Variants in ABCA8 observed in about 807,000 individuals in gnomAD.
ABCA8 encodes ATP binding cassette subfamily A member 8, also known as ABC-type organic anion transporter ABCA8.
A neutral mutation model predicts 192.3 loss-of-function variants in ABCA8; 177 were observed. The ratio of observed to expected loss-of-function variants is 0.92; its 90% CI spans 0.81 to 1.04. ABCA8 has a LOEUF of 1.04. ABCA8 is among the 50% of genes least tolerant of loss of function. The pLI, the probability that ABCA8 is intolerant of heterozygous loss-of-function variation, is 0.00. For missense variants in ABCA8, 1,915 were observed against 1,904.8 expected (o/e 1.01, Z -0.10); for synonymous variants, 642 against 690.2 (o/e 0.93, Z 1.09).
intron 11 of ABCA8, 24 bp from the exon 12 acceptor site, chr17:68,922,324 A>C (rs1432720567): frequency 7.5e-7 from 1 of 1,325,716 alleles, no homozygotes. Flanking sequence ...AAGATACTTC[A>C]AAGTGACAAT....
chr17:68,906,208 GTGAAC>G, intron 18 of ABCA8, 45 bp from the exon 19 acceptor site: 2 of 1,396,106 alleles, frequency 1.4e-6, no homozygotes, highest in Non-Finnish European at 1.9e-6. Context: ...AGAATCACAA[GTGAAC>G]TGAAGACAAT....
chr17:68,924,741 CAA>C lies in ABCA8; in HGVS notation c.1400_1401del (p.Phe467Ter), dbSNP rs760695763. On this transcript the variant is annotated frameshift_variant, in exon 11 of 40. Coordinates refer to ENST00000586539, the MANE Select transcript of ABCA8 (RefSeq NM_001288985.2). LOFTEE classifies it high-confidence loss of function. ...CCTTGGAATTCTGGAGGCGCTTGTT[CAA>C]AAGAGTCATGAAATGAAGGATCGGC... is the stretch of plus-strand genomic sequence containing the variant. The part of the protein sequence containing the change: ...MDADPSFHDS[F>X]EQAPPEFQGK... The C allele has an allele frequency of 6.2e-7, 1 of 1,613,990 alleles. No individual in the cohort carries two copies. Among genetic ancestry groups the C allele is most frequent in the East Asian group, 2.2e-5 (1 of 44,856 alleles).
chr17:68,934,138 A>T (rs968343955), intron 5 of ABCA8, among the ~76,000 whole-genome samples: 1 of 152,146 alleles, frequency 6.6e-6, no homozygotes, highest in Non-Finnish European at 1.5e-5. Flanking sequence ...AACTATGTTC[A>T]TTTGTTCCAT....
chr17:68,944,350 A>G (rs1278134062), intron 2 of ABCA8, among the ~76,000 whole-genome samples: 1 of 99,846 alleles, frequency 1.0e-5, no homozygotes, highest in African/African-American at 3.5e-5. Flanking sequence ...ATATATATAT[A>G]TATATATATA....
At chr17:68,917,764 G>C (rs1433474332) in intron 16 of ABCA8, among the ~76,000 whole-genome samples, 1 of 152,144 alleles carries the variant, frequency 6.6e-6, no homozygotes, top group Non-Finnish European at 1.5e-5. Flanking sequence ...CCTCAATTCT[G>C]AGTAAAAGGA....
rs1280185199 is a variant in ABCA8, at chr17:68,923,316, C to T, written c.1443-1016G>A. On this transcript the variant is annotated intron_variant, in intron 11 of 39. Transcript: ENST00000586539. ...CTGAGTCCAAGCGATTCTTGTGCCT[C>T]AGTCACCCAAGTAGCTGGGATTACT... 4.0e-5 allele frequency among the ~76,000 whole-genome samples: 6 copies of T among 151,814 alleles called. No homozygotes were observed. In the East Asian group the frequency reaches 1.2e-3, roughly 29 times the overall value.
rs139774519 is a variant in ABCA8 at position 68,887,475 on chromosome 17, C to T, written c.3176G>A (p.Gly1059Glu). The T allele has an allele frequency of 8.7e-6, 14 of 1,612,090 alleles. No homozygotes were observed. Among genetic ancestry groups the T allele is most frequent in the Non-Finnish European group, 1.2e-5 (14 of 1,179,306 alleles). ...AAACCAGTAAGCAGAAGGGGAGAGTCCGGAAATCCGTAGCTGGGACCGAGC... is the reference window on the plus strand; with the variant it reads ...AAACCAGTAAGCAGAAGGGGAGAGTTCGGAAATCCGTAGCTGGGACCGAGC... ...NRARSQLRIS[G>E]LSPSAYWFGQ... Residue 1059 changes from glycine (G) to glutamate (E), a missense_variant, in exon 25 of 40, where the codon GGA becomes GAA. Physicochemically the swap from Gly to Glu is moderately conservative, Grantham distance 98. Coordinates refer to ENST00000586539, the MANE Select transcript of ABCA8 (RefSeq NM_001288985.2).
chr17:68,941,923 G>A lies in ABCA8; in HGVS notation c.96+16C>T, dbSNP rs779539865. The A allele has an allele frequency of 3.6e-5, 55 of 1,536,958 alleles. No homozygotes were observed. The highest frequency in any genetic ancestry group is 3.3e-4 in the South Asian group (29 of 87,862). ...TCCTATCATAAATAGAGAATAACAC[G>A]GATATTGAGTCATACCATTAAGGAC... On this transcript the variant is annotated intron_variant, in intron 3 of 39. Coordinates refer to ENST00000586539, the MANE Select transcript of ABCA8 (RefSeq NM_001288985.2).
chr17:68,919,175 A>G (rs1029145837), intron 14 of ABCA8, 126 bp downstream of exon 14: 93 of 880,052 alleles, frequency 1.1e-4, no homozygotes, highest in Non-Finnish European at 1.5e-4. Flanking sequence ...TATTGTTTAA[A>G]TTGGATTTTC....
In ABCA8 at chr17:68,944,359, T is replaced by TATATATATATATACAC. The variant is rs765731645; in HGVS notation, c.-5-2321_-5-2320insGTGTATATATATATAT. Among the ~76,000 whole-genome samples, 70 of 69,400 alleles carry TATATATATATATACAC rather than the reference T, an allele frequency of 1.0e-3. 1 individual carries two copies. Among genetic ancestry groups the TATATATATATATACAC allele is most frequent in the Non-Finnish European group, 1.3e-3 (44 of 34,270 alleles). The allele number at this position is 69,400 out of a possible 152,430, so 45.5% of individuals were successfully genotyped here. ...ATATATATATATATATATATATATATACACATATACATACATATGCAAACA... is the reference window on the plus strand; with the variant it reads ...ATATATATATATATATATATATATATATATATATATATACACACACATATACATACATATGCAAACA... On this transcript the variant is annotated intron_variant, in intron 2 of 39. Coordinates refer to ENST00000586539, the MANE Select transcript of ABCA8 (RefSeq NM_001288985.2).
intron 1 of ABCA8, among the ~76,000 whole-genome samples, chr17:68,951,468 C>T (rs1434888904): frequency 1.3e-5 from 2 of 152,128 alleles, no homozygotes; most frequent in South Asian, 2.1e-4. Flanking sequence ...GTGTTTTGTA[C>T]GTATCTATTC....
intron 2 of ABCA8, among the ~76,000 whole-genome samples, chr17:68,946,538 T>G (rs1017489608): frequency 3.3e-5 from 5 of 152,330 alleles, no homozygotes; most frequent in Middle Eastern, 3.4e-3. Flanking sequence ...TTTTCCCTTC[T>G]GATAGGTAGA....
At chr17:68,885,454 G>T in intron 26 of ABCA8, 139 bp from the exon 27 acceptor site, 1 of 771,928 alleles carries the variant, frequency 1.3e-6, no homozygotes, top group Non-Finnish European at 2.0e-6. Context: ...TCCATTAACA[G>T]TTTATTTTAG....
rs180817357 is a variant in ABCA8, at chr17:68,933,079, A to G, written c.570+89T>C. On this transcript the variant is annotated intron_variant, in intron 6 of 39. Transcript: ENST00000586539. ...AGCAAAGGAAATAACAAGGCTATCC[A>G]CTTATATTTTCTTCCATGAAACTTT... 9.1e-6 allele frequency: 8 copies of G among 882,570 alleles called. No individual in the cohort carries two copies. In the African/African-American group the frequency reaches 1.2e-4, roughly 13 times the overall value. 54.7% of individuals were successfully genotyped at this position (882,570 alleles called of 1,614,324 possible). A position where few individuals can be genotyped will look rare whatever the true frequency, so the allele number is the denominator to read the frequency against.
intron 37 of ABCA8, among the ~76,000 whole-genome samples, chr17:68,870,338 G>T (rs766946166): frequency 6.6e-6 from 1 of 152,090 alleles, no homozygotes; most frequent in Non-Finnish European, 1.5e-5. Context: ...AATCCCAACC[G>T]GCCCCATCTT....
At chr17:68,887,616 C>T (rs1223198163) in intron 24 of ABCA8, 110 bp from the exon 25 acceptor site, 1 of 930,432 alleles carries the variant, frequency 1.1e-6, no homozygotes, top group African/African-American at 1.7e-5. Flanking sequence ...ATTATGTCTA[C>T]AAATGTAATC....
At chr17:68,939,277 T>TGTACAAC in intron 4 of ABCA8, among the ~76,000 whole-genome samples, 1 of 152,262 alleles carries the variant, frequency 6.6e-6, no homozygotes, top group African/African-American at 2.4e-5. Flanking sequence ...CATATGTTGT[T>TGTACAAC]TTTATCTGTT....
At position 68,932,446 on chromosome 17, in the gene ABCA8, G is replaced by GGA; in HGVS notation, c.637_638dup (p.Phe214ProfsTer9). The GGA allele has an allele frequency of 6.2e-7, 1 of 1,614,034 alleles. No individual in the cohort carries two copies. Among genetic ancestry groups the GGA allele is most frequent in the Non-Finnish European group, 8.5e-7 (1 of 1,179,918 alleles). ...TTATAACTCCTGATTGACCAATGAA[G>GGA]GAATGCATCTTCATATTTTTTCCAG... On this transcript the variant is annotated frameshift_variant, in exon 7 of 40. Coordinates refer to ENST00000586539, the MANE Select transcript of ABCA8 (RefSeq NM_001288985.2). LOFTEE classifies it high-confidence loss of function.
At chr17:68,882,025 A>C in intron 30 of ABCA8, 45 bp from the exon 31 acceptor site, 1 of 1,524,294 alleles carries the variant, frequency 6.6e-7, no homozygotes, top group Non-Finnish European at 9.1e-7. Context: ...AATTCTCTCC[A>C]TTAGCTTTGA....
Sources: allele counts gnomAD v4.1 joint callset (sites outside exome capture counted in the v4.1 genomes callset), GRCh38; gene constraint gnomAD v4.1.1; transcripts MANE v1.5; gene names NCBI Gene and HGNC (gene_info 2026-07-23, HGNC 2026-07-21).